PARD3B: variants seen among roughly 807,000 people sequenced by gnomAD.
The protein encoded by PARD3B is partitioning defective 3 homolog B.
In PARD3B, 103 loss-of-function variants were observed where a neutral mutation model predicts 130.2. The ratio of observed to expected loss-of-function variants is 0.79; its 90% CI spans 0.67 to 0.93. PARD3B has a LOEUF of 0.93. Among genes scored for constraint, PARD3B ranks in the 40% least tolerant of loss-of-function variants. The pLI is 0.00. For synonymous variants in PARD3B, 583 were observed against 553.2 expected (o/e 1.05, Z -0.76); for missense variants, 1,609 against 1,499.2 (o/e 1.07, Z -1.21).
rs12694030 is a variant in PARD3B, at chr2:205,575,917, G to A, written c.3260+22514G>A. 0.31 allele frequency among the ~76,000 whole-genome samples: 47,561 copies of A among 152,040 alleles called. 7,726 individuals are homozygous for A. The highest frequency in any genetic ancestry group is 0.4 in the Middle Eastern group (117 of 294). Reference sequence around the variant, plus strand: ...GAACATGACTGCTGGATCAAGTGGCGAGACAATGTTTAGTTTTGCAGGAAA... The same window carrying A: ...GAACATGACTGCTGGATCAAGTGGCAAGACAATGTTTAGTTTTGCAGGAAA... On this transcript the variant is annotated intron_variant, in intron 22 of 22. Coordinates refer to ENST00000406610, the MANE Select transcript of PARD3B (RefSeq NM_001302769.2). The surrounding 1 kb of genome is among the most constrained non-coding windows in gnomAD (Gnocchi z 4.6).
intron 15 of PARD3B, among the ~76,000 whole-genome samples, chr2:205,238,104 G>A (rs547492320): frequency 3.3e-5 from 5 of 152,178 alleles, no homozygotes; most frequent in South Asian, 4.2e-4. Flanking sequence ...TACACATGCC[G>A]CATTCACTCA....
intron 18 of PARD3B, among the ~76,000 whole-genome samples, chr2:205,310,246 A>G (rs894271167): frequency 2.0e-5 from 3 of 151,612 alleles, no homozygotes; most frequent in South Asian, 2.1e-4. Flanking sequence ...CACCACGCCC[A>G]GCTAATTTTT....
At chr2:205,250,588 G>A (rs2039799994) in intron 16 of PARD3B, among the ~76,000 whole-genome samples, 2 of 152,038 alleles carry the variant, frequency 1.3e-5, no homozygotes, top group South Asian at 4.1e-4. Flanking sequence ...AGTATGTTTG[G>A]TATCCTAACA....
At chr2:205,008,245 A>C (rs1371052237) in intron 3 of PARD3B, among the ~76,000 whole-genome samples, 1 of 151,846 alleles carries the variant, frequency 6.6e-6, no homozygotes, top group African/African-American at 2.4e-5. Flanking sequence ...AATAATGCAT[A>C]GTCGTGATAA....
intron 1 of PARD3B, among the ~76,000 whole-genome samples, chr2:204,598,321 A>T (rs893187484): frequency 2.5e-4 from 38 of 152,276 alleles, no homozygotes; most frequent in African/African-American, 8.9e-4. Flanking sequence ...TAAGAGTATA[A>T]TTCTACTCAT....
intron 3 of PARD3B, among the ~76,000 whole-genome samples, chr2:204,998,346 A>G (rs867569066): frequency 6.4e-5 from 5 of 78,688 alleles, no homozygotes; most frequent in Non-Finnish European, 9.4e-5. Context: ...ATATATATAT[A>G]TATATATATA....
intron 1 of PARD3B, among the ~76,000 whole-genome samples, chr2:204,578,056 A>G (rs548312595): frequency 1.3e-5 from 2 of 152,350 alleles, no homozygotes; most frequent in South Asian, 2.1e-4. Context: ...TAAACATCTT[A>G]CAACGTAGTG....
At chr2:205,103,731 C>G (rs4675496) in intron 4 of PARD3B, 2 of 985,268 alleles carry the variant, frequency 2.0e-6, no homozygotes, top group Non-Finnish European at 2.4e-6. Context: ...CAGCATCAGG[C>G]GTGCTTTCTA....
chr2:204,708,217 C>T (rs2038272225), intron 2 of PARD3B, among the ~76,000 whole-genome samples: 1 of 151,910 alleles, frequency 6.6e-6, no homozygotes. Flanking sequence ...ACCATGTTGC[C>T]CAGGCTGGTC....
At chr2:204,686,568 A>G (rs1465772537) in intron 2 of PARD3B, among the ~76,000 whole-genome samples, 2 of 152,182 alleles carry the variant, frequency 1.3e-5, no homozygotes, top group East Asian at 3.8e-4. Context: ...TGTTGGAATC[A>G]TCATTGTCGT....
intron 2 of PARD3B, among the ~76,000 whole-genome samples, chr2:204,790,895 A>G (rs977847793): frequency 5.3e-5 from 8 of 152,176 alleles, no homozygotes; most frequent in African/African-American, 1.9e-4. Flanking sequence ...ACCTGAAGTC[A>G]GGACTTCGAG....
intron 5 of PARD3B, among the ~76,000 whole-genome samples, chr2:205,107,970 T>C (rs1264382424): frequency 6.6e-6 from 1 of 152,166 alleles, no homozygotes; most frequent in Non-Finnish European, 1.5e-5. Flanking sequence ...ATCTCTCCAC[T>C]CCTGCTTCCA....
At chr2:204,655,572 C>A (rs568188173) in intron 1 of PARD3B, among the ~76,000 whole-genome samples, 1 of 152,208 alleles carries the variant, frequency 6.6e-6, no homozygotes, top group African/African-American at 2.4e-5. Flanking sequence ...ATGTATTAAG[C>A]ATGTTTATAG....
At chr2:204,840,563 A>T (rs1013085800) in intron 2 of PARD3B, among the ~76,000 whole-genome samples, 29 of 152,062 alleles carry the variant, frequency 1.9e-4, no homozygotes, top group African/African-American at 7.0e-4. Context: ...TCCTTAGACA[A>T]TAGCTTTCAA....
intron 4 of PARD3B, among the ~76,000 whole-genome samples, chr2:205,062,295 T>C (rs1700107853): frequency 2.6e-5 from 4 of 152,056 alleles, no homozygotes; most frequent in Admixed American, 2.6e-4. Flanking sequence ...AAATTAGTGT[T>C]TAATATAGGA....
chr2:205,378,520 C>T (rs898031383), intron 18 of PARD3B, among the ~76,000 whole-genome samples: 9 of 152,092 alleles, frequency 5.9e-5, no homozygotes, highest in Non-Finnish European at 1.2e-4. Context: ...ATGAGAGCTG[C>T]GTACTGAGGT....
At chr2:205,375,886 T>C (rs927772694) in intron 18 of PARD3B, among the ~76,000 whole-genome samples, 5 of 152,038 alleles carry the variant, frequency 3.3e-5, no homozygotes, top group Non-Finnish European at 5.9e-5. Context: ...GAGGCAGAAA[T>C]GAAAGCACAC....
At chr2:205,343,366 T>C (rs997339236) in intron 18 of PARD3B, among the ~76,000 whole-genome samples, 2 of 152,186 alleles carry the variant, frequency 1.3e-5, no homozygotes, top group Non-Finnish European at 2.9e-5. Context: ...AAGCCAGCCA[T>C]AGAGTGGAGT....
At position 205,405,512 on chromosome 2, in the gene PARD3B, AGAT is replaced by A. The variant is rs1426555472; in HGVS notation, c.2741+4393_2741+4395del. Reference sequence around the variant, plus strand: ...TGGATAATGCAGAGAAATCTAGATCAGATGATATAACCCTAGAAGGATTATTAG... The same window carrying A: ...TGGATAATGCAGAGAAATCTAGATCAGATATAACCCTAGAAGGATTATTAG... On this transcript the variant is annotated intron_variant, in intron 19 of 22. Transcript: ENST00000406610. This position sits in a 1 kb window ranked among gnomAD's most constrained non-coding sequence, Gnocchi z 4.1. Among the ~76,000 whole-genome samples the A allele has an allele frequency of 6.6e-6, 1 of 152,244 alleles. No individual in the cohort carries two copies. Among genetic ancestry groups the A allele is most frequent in the Non-Finnish European group, 1.5e-5 (1 of 68,042 alleles).
Sources: allele counts gnomAD v4.1 joint callset (sites outside exome capture counted in the v4.1 genomes callset), GRCh38; gene constraint gnomAD v4.1.1; non-coding constraint Gnocchi (gnomAD v3.1); transcripts MANE v1.5; gene names NCBI Gene and HGNC (gene_info 2026-07-23, HGNC 2026-07-21).